The following HADHA variants were observed in gnomAD, a reference collection of about 807,000 sequenced individuals.
HADHA encodes trifunctional enzyme subunit alpha, mitochondrial.
Under a neutral mutation model 91.3 loss-of-function variants are expected in HADHA, and 59 were observed. The observed-to-expected ratio is 0.65, with a 90% CI of 0.52 to 0.80. The LOEUF (loss-of-function observed/expected upper bound fraction) is 0.80. Among genes scored for constraint, HADHA ranks in the 30% least tolerant of loss-of-function variants. The pLI is 0.00. For synonymous variants in HADHA, 320 were observed against 338.9 expected (o/e 0.94, Z 0.61); for missense variants, 800 against 927.6 (o/e 0.86, Z 1.79).
chr2:26,195,362 A>G, intron 14 of HADHA, 130 bp from the exon 15 acceptor site: 1 of 842,556 alleles, frequency 1.2e-6, no homozygotes, highest in Non-Finnish European at 2.1e-6. Context: ...GACATAGCTG[A>G]GTGGTTTGGT....
At chr2:26,196,278 G>A (rs939909393) in intron 14 of HADHA, among the ~76,000 whole-genome samples, 6 of 152,168 alleles carry the variant, frequency 3.9e-5, no homozygotes, top group African/African-American at 1.2e-4. Context: ...TAAATGTTAT[G>A]TAAACTTATC....
chr2:26,207,877 A>C (rs1670008096), intron 11 of HADHA, among the ~76,000 whole-genome samples: 1 of 152,238 alleles, frequency 6.6e-6, no homozygotes, highest in Non-Finnish European at 1.5e-5. Flanking sequence ...AATTCCAGTT[A>C]TCATCCAAGG....
rs1669578014 is a variant in HADHA at position 26,193,678 on chromosome 2, ACATCCACACCAACTTCAT to A, written c.1766_1783del (p.Asp589_Asp594del). On this transcript the variant is annotated inframe_deletion, in exon 17 of 20. Coordinates refer to ENST00000380649, the MANE Select transcript of HADHA (RefSeq NM_000182.5). Reference sequence around the variant, plus strand: ...CAGATCTTCCGCCACATGTTTCGCTACATCCACACCAACTTCATCCACCAGTGTGGCGGCACCCACAGG... The same window carrying A: ...CAGATCTTCCGCCACATGTTTCGCTACCACCAGTGTGGCGGCACCCACAGG... 1 of 1,613,924 alleles carries A rather than the reference ACATCCACACCAACTTCAT, an allele frequency of 6.2e-7. No individual in the cohort carries two copies.
At chr2:26,234,186 C>A (rs1488561602) in intron 5 of HADHA, 31 bp downstream of exon 5, 1 of 1,604,574 alleles carries the variant, frequency 6.2e-7, no homozygotes. Context: ...ATGAGTTGGA[C>A]AGTGTCTCAA....
At chr2:26,199,017 C>G (rs1389564560) in intron 13 of HADHA, among the ~76,000 whole-genome samples, 2 of 152,044 alleles carry the variant, frequency 1.3e-5, no homozygotes, top group African/African-American at 4.8e-5. Context: ...GCCTCAGCCT[C>G]CCGAGTAGCT....
chr2:26,204,237 TA>T lies in HADHA; in HGVS notation c.1086-42del, dbSNP rs1669922063. The T allele has an allele frequency of 4.4e-6, 7 of 1,598,740 alleles. No individual in the cohort carries two copies. The East Asian group carries it at 1.1e-4, about 25-fold the overall frequency. ...GAAATGACTTTCGGTAAACTGATCTTAATCATTTCAGTCAAAGTGGAAGATT... is the reference window on the plus strand; with the variant it reads ...GAAATGACTTTCGGTAAACTGATCTTATCATTTCAGTCAAAGTGGAAGATT... On this transcript the variant is annotated intron_variant, in intron 11 of 19. Coordinates refer to ENST00000380649, the MANE Select transcript of HADHA (RefSeq NM_000182.5).
rs866793966 is a variant in HADHA at position 26,219,001 on chromosome 2, C to A, written c.677-3826G>T. Among the ~76,000 whole-genome samples the A allele has an allele frequency of 1.8e-3, 58 of 32,850 alleles. 1 individual carries two copies. The highest frequency in any genetic ancestry group is 0.01 in the African/African-American group (49 of 4,688). The allele number at this position is 32,850 out of a possible 152,430, so 21.6% of individuals were successfully genotyped here. Reference sequence around the variant, plus strand: ...CAGCCTGGGCAACAGAGCAAGACTCCGTCTCAAAAAAAAAAAAAAAAAGAA... The same window carrying A: ...CAGCCTGGGCAACAGAGCAAGACTCAGTCTCAAAAAAAAAAAAAAAAAGAA... On this transcript the variant is annotated intron_variant, in intron 7 of 19. Coordinates refer to ENST00000380649, the MANE Select transcript of HADHA (RefSeq NM_000182.5).
Position 26,195,321 on chromosome 2 carries a change from G to T in HADHA, c.1480-89C>A. 6.3e-6 allele frequency: 7 copies of T among 1,118,954 alleles called. No homozygotes were observed. The South Asian group carries it at 7.4e-5, about 12-fold the overall frequency. The allele number at this position is 1,118,954 out of a possible 1,614,324, so 69.3% of individuals were successfully genotyped here. On this transcript the variant is annotated intron_variant, in intron 14 of 19. Coordinates refer to ENST00000380649, the MANE Select transcript of HADHA (RefSeq NM_000182.5). ...TTCTCTGCTAGGAAAACACTAGAAA[G>T]AAAGGTGGCTGTGATATAGGAATAC...
At chr2:26,244,063 G>A (rs184480734) in intron 1 of HADHA, among the ~76,000 whole-genome samples, 9 of 152,262 alleles carry the variant, frequency 5.9e-5, no homozygotes, top group Non-Finnish European at 1.0e-4. Context: ...GGAGCAGGGA[G>A]GGGCAGTGAT....
At chr2:26,212,454 GA>G in intron 10 of HADHA, 115 bp downstream of exon 10, 2 of 769,074 alleles carry the variant, frequency 2.6e-6, no homozygotes, top group Non-Finnish European at 4.7e-6. Flanking sequence ...AGCACTGGAA[GA>G]AAAAAATTTT....
rs1415477884 is a variant in HADHA at position 26,241,865 on chromosome 2, C to G, written c.67+2665G>C. Reference sequence around the variant, plus strand: ...GATATTCACATTCAGAATTATAGCACTTGTAGAGAAGGAATGCTTTAAAAT... The same window carrying G: ...GATATTCACATTCAGAATTATAGCAGTTGTAGAGAAGGAATGCTTTAAAAT... On this transcript the variant is annotated intron_variant, in intron 1 of 19. Transcript: ENST00000380649. Among the ~76,000 whole-genome samples the G allele has an allele frequency of 2.6e-5, 4 of 152,098 alleles. No individual in the cohort carries two copies. The East Asian group carries it at 7.7e-4, about 29-fold the overall frequency.
chr2:26,196,516 C>A (rs528769824), intron 14 of HADHA, among the ~76,000 whole-genome samples: 1 of 152,304 alleles, frequency 6.6e-6, no homozygotes, highest in South Asian at 2.1e-4. Flanking sequence ...TTACATCACT[C>A]AGAAAGTTGT....
chr2:26,190,754 G>T lies in HADHA; in HGVS notation c.*496C>A, dbSNP rs1669469642. ...CCAGGTCCCACTTTCTCTCATCCCA[G>T]TCCCTCCCTAAGGTGCTGCCTAGAA... On this transcript the variant is annotated 3_prime_UTR_variant, in exon 20 of 20. Coordinates refer to ENST00000380649, the MANE Select transcript of HADHA (RefSeq NM_000182.5). 9.4e-6 allele frequency: 2 copies of T among 212,476 alleles called. No homozygotes were observed. The highest frequency in any genetic ancestry group is 5.2e-5 in the Admixed American group (1 of 19,082). 13.2% of individuals were successfully genotyped at this position (212,476 alleles called of 1,614,324 possible).
Position 26,194,657 on chromosome 2 carries a change from T to C in HADHA, c.1621-19A>G, listed in dbSNP as rs372878267. On this transcript the variant is annotated intron_variant, in intron 15 of 19. Coordinates refer to ENST00000380649, the MANE Select transcript of HADHA (RefSeq NM_000182.5). ...GTCCATCCTGCCAAGGAAGAGAACA[T>C]GAGCTCCCTGGCCCTGCTGCTGGGA... is the stretch of plus-strand genomic sequence containing the variant. 2.9e-5 allele frequency: 45 copies of C among 1,537,028 alleles called. No individual in the cohort carries two copies. In the African/African-American group the frequency reaches 4.6e-4, roughly 16 times the overall value.
At chr2:26,201,463 A>C (rs566404234) in intron 12 of HADHA, 143 bp from the exon 13 acceptor site, 6 of 640,192 alleles carry the variant, frequency 9.4e-6, no homozygotes, top group East Asian at 8.1e-5. Context: ...GAGACTTTCA[A>C]GTTGTTTAGT....
At position 26,204,086 on chromosome 2, in the gene HADHA, CG is replaced by C. The variant is rs1558319532; in HGVS notation, c.1195del (p.Arg399GlufsTer10). ...CCCTTTGAACACTTGTTGCTGTCCT[CG>C]GTCTAGCGCAGTGAGGGTGGCATCT... Reference protein sequence around the residue: ...LKDATLTALDRGQQQVFKGLN... With the variant: ...LKDATLTALDXGQQQVFKGLN... On this transcript the variant is annotated frameshift_variant, in exon 12 of 20. Transcript: ENST00000380649. LOFTEE classifies it high-confidence loss of function. 1 of 1,613,982 alleles carries C rather than the reference CG, an allele frequency of 6.2e-7. No individual in the cohort carries two copies. The highest frequency in any genetic ancestry group is 8.5e-7 in the Non-Finnish European group (1 of 1,179,816).
At chr2:26,243,459 C>CTTATG (rs1670967140) in intron 1 of HADHA, among the ~76,000 whole-genome samples, 1 of 151,498 alleles carries the variant, frequency 6.6e-6, no homozygotes, top group Non-Finnish European at 1.5e-5. Context: ...CTATAATGTG[C>CTTATG]TTATGTTATA....
intron 11 of HADHA, 74 bp from the exon 12 acceptor site, chr2:26,204,270 G>A (rs1669922672): frequency 7.2e-7 from 1 of 1,382,876 alleles, no homozygotes; most frequent in African/African-American, 1.4e-5. Context: ...GATTGCCTAA[G>A]TTATTCAATA....
rs564526632 is a variant in HADHA at position 26,218,768 on chromosome 2, G to A, written c.677-3593C>T. Reference sequence around the variant, plus strand: ...TCACACCTGTAATCCAGCACTTTGGGAGGCCAAGGCAGGCAGATCACTTGA... The same window carrying A: ...TCACACCTGTAATCCAGCACTTTGGAAGGCCAAGGCAGGCAGATCACTTGA... On this transcript the variant is annotated intron_variant, in intron 7 of 19. Coordinates refer to ENST00000380649, the MANE Select transcript of HADHA (RefSeq NM_000182.5). 3.9e-5 allele frequency among the ~76,000 whole-genome samples: 6 copies of A among 152,020 alleles called. No homozygotes were observed. The South Asian group carries it at 1.2e-3, about 32-fold the overall frequency.
Sources: allele counts gnomAD v4.1 joint callset (sites outside exome capture counted in the v4.1 genomes callset), GRCh38; gene constraint gnomAD v4.1.1; transcripts MANE v1.5; gene names NCBI Gene and HGNC (gene_info 2026-07-23, HGNC 2026-07-21).